PTPRM: variants seen among roughly 807,000 people sequenced by gnomAD.
PTPRM encodes receptor-type tyrosine-protein phosphatase mu.
In PTPRM, 47 loss-of-function variants were observed where a neutral mutation model predicts 186.7. The ratio of observed to expected loss-of-function variants is 0.25; its 90% CI spans 0.20 to 0.32. The LOEUF (loss-of-function observed/expected upper bound fraction) is 0.32, where lower values mean the gene tolerates loss of function less well. Ranked by LOEUF, PTPRM falls within the 10% of genes least tolerant of loss-of-function variation. The pLI, the probability that PTPRM is intolerant of heterozygous loss-of-function variation, is 1.00. For synonymous variants in PTPRM, 668 were observed against 674.9 expected, an observed-to-expected ratio of 0.99 and a Z score of 0.16; for missense variants, 1,494 against 1,865.0, an observed-to-expected ratio of 0.80 and a Z score of 3.66.
chr18:7,824,278 G>A (rs1323207344), intron 2 of PTPRM, among the ~76,000 whole-genome samples: 8 of 152,208 alleles, frequency 5.3e-5, no homozygotes, highest in African/African-American at 1.7e-4. Flanking sequence ...AGCCTCTAGA[G>A]GAAGTAGGAT....
chr18:7,762,606 A>G (rs558271918), intron 1 of PTPRM, among the ~76,000 whole-genome samples: 15 of 152,158 alleles, frequency 9.9e-5, no homozygotes, highest in Non-Finnish European at 2.2e-4. Context: ...TCAGCTGTGT[A>G]TTTTATAAAA....
intron 14 of PTPRM, among the ~76,000 whole-genome samples, chr18:8,172,170 G>A (rs534674050): frequency 5.9e-4 from 90 of 152,142 alleles, no homozygotes; most frequent in South Asian, 2.9e-3. Flanking sequence ...ACAGTTCTAC[G>A]TGGCTGGGGA....
chr18:7,896,353 A>G (rs1385054854), intron 3 of PTPRM, among the ~76,000 whole-genome samples: 1 of 152,060 alleles, frequency 6.6e-6, no homozygotes, highest in African/African-American at 2.4e-5. Flanking sequence ...GGAGCTAGCC[A>G]CAGATTTCGT....
intron 5 of PTPRM, among the ~76,000 whole-genome samples, chr18:7,928,693 A>G (rs77999045): frequency 0.04 from 6,037 of 152,294 alleles, 283 homozygotes; most frequent in African/African-American, 0.11. Flanking sequence ...AGTCTAGAGA[A>G]TACAATATAA....
intron 19 of PTPRM, among the ~76,000 whole-genome samples, chr18:8,273,940 A>G (rs2094803159): frequency 6.6e-6 from 1 of 152,176 alleles, no homozygotes; most frequent in Non-Finnish European, 1.5e-5. Flanking sequence ...CATGCAGTCC[A>G]GTAACATTTT....
At chr18:7,599,881 T>C (rs1206700687) in intron 1 of PTPRM, among the ~76,000 whole-genome samples, 1 of 152,160 alleles carries the variant, frequency 6.6e-6, no homozygotes, top group Non-Finnish European at 1.5e-5. Context: ...TCACCCTAGT[T>C]CTTTTGCTTA....
chr18:7,686,547 A>G (rs1292872717), intron 1 of PTPRM, among the ~76,000 whole-genome samples: 1 of 151,378 alleles, frequency 6.6e-6, no homozygotes, highest in African/African-American at 2.4e-5. Context: ...TCCATTTAGC[A>G]TATCATGATG....
At chr18:7,728,234 G>A (rs111977710) in intron 1 of PTPRM, among the ~76,000 whole-genome samples, 7 of 152,260 alleles carry the variant, frequency 4.6e-5, no homozygotes, top group African/African-American at 1.7e-4. Context: ...ATCCAAAATA[G>A]CAGTGATGCA....
chr18:7,975,360 A>T (rs149341677), intron 7 of PTPRM, among the ~76,000 whole-genome samples: 2 of 152,366 alleles, frequency 1.3e-5, no homozygotes, highest in South Asian at 4.1e-4. Flanking sequence ...AAAACTTACA[A>T]GCAACCTAGA....
intron 31 of PTPRM, among the ~76,000 whole-genome samples, chr18:8,389,147 G>T (rs1428568008): frequency 6.6e-6 from 1 of 152,114 alleles, no homozygotes; most frequent in African/African-American, 2.4e-5. Context: ...AGATATATCA[G>T]ATTTTTCTAA....
At chr18:8,074,370 A>G (rs2089673376) in intron 8 of PTPRM, among the ~76,000 whole-genome samples, 1 of 152,238 alleles carries the variant, frequency 6.6e-6, no homozygotes, top group African/African-American at 2.4e-5. Context: ...TATATTCATG[A>G]ACAAGTTTTT....
At chr18:7,609,064 G>A (rs2037607695) in intron 1 of PTPRM, among the ~76,000 whole-genome samples, 1 of 152,192 alleles carries the variant, frequency 6.6e-6, no homozygotes, top group Non-Finnish European at 1.5e-5. Flanking sequence ...CCCAGGGTAT[G>A]TTTGTGCTAT....
At chr18:8,329,464 G>T (rs1344721529) in intron 22 of PTPRM, among the ~76,000 whole-genome samples, 10 of 152,224 alleles carry the variant, frequency 6.6e-5, no homozygotes, top group African/African-American at 2.4e-4. Context: ...TCAACAGGAA[G>T]AAAAACTGTG....
intron 7 of PTPRM, among the ~76,000 whole-genome samples, chr18:7,995,024 A>G (rs80080549): frequency 0.012 from 1,897 of 152,218 alleles, 22 homozygotes; most frequent in Non-Finnish European, 0.017. Context: ...AGATTAACAA[A>G]ATGAAAACTT....
At chr18:7,624,606 G>T (rs568909101) in intron 1 of PTPRM, among the ~76,000 whole-genome samples, 191 of 152,072 alleles carry the variant, frequency 1.3e-3, no homozygotes, top group South Asian at 0.011. Context: ...CTCCCAAGTA[G>T]CTGGGACTGT....
In PTPRM at chr18:7,665,652, C is replaced by T. The variant is rs78624909; in HGVS notation, c.73+97761C>T. Among the ~76,000 whole-genome samples the T allele has an allele frequency of 1.0e-3, 152 of 152,158 alleles. 3 individuals carry two copies. In the East Asian group the frequency reaches 0.019, roughly 19 times the overall value. ...GGTTTAATAGAATATATTGGACAGG[C>T]GCAGTGGCTCACACCTGTAATCCCA... On this transcript the variant is annotated intron_variant, in intron 1 of 32. Coordinates refer to ENST00000580170, the MANE Select transcript of PTPRM (RefSeq NM_001105244.2).
intron 23 of PTPRM, among the ~76,000 whole-genome samples, chr18:8,357,004 A>C (rs1394902462): frequency 6.6e-6 from 1 of 152,234 alleles, no homozygotes; most frequent in Non-Finnish European, 1.5e-5. Flanking sequence ...AAGCATCTGC[A>C]CTCCAGATCC....
intron 13 of PTPRM, chr18:8,122,285 C>T (rs1303554383): frequency 2.6e-5 from 4 of 152,576 alleles, no homozygotes; most frequent in Non-Finnish European, 1.5e-5. Flanking sequence ...ACATTCGCAT[C>T]GCCCCCGCTG....
At chr18:8,097,177 A>T (rs2091053970) in intron 11 of PTPRM, among the ~76,000 whole-genome samples, 1 of 152,178 alleles carries the variant, frequency 6.6e-6, no homozygotes, top group Non-Finnish European at 1.5e-5. Context: ...CTATTTCCTT[A>T]ATAACTATTT....
Sources: allele counts gnomAD v4.1 joint callset (sites outside exome capture counted in the v4.1 genomes callset), GRCh38; gene constraint gnomAD v4.1.1; transcripts MANE v1.5; gene names NCBI Gene and HGNC (gene_info 2026-07-23, HGNC 2026-07-21).